The following EXOSC4 variants were observed in gnomAD, a reference collection of about 807,000 sequenced individuals.
The protein encoded by EXOSC4 is exosome component 4.
Under a neutral mutation model 20.0 loss-of-function variants are expected in EXOSC4, and 14 were observed. That is an observed-to-expected ratio of 0.70 (90% CI 0.46 to 1.09). The LOEUF is 1.09. Ranked by LOEUF, EXOSC4 falls within the 50% of genes least tolerant of loss-of-function variation. The pLI is 0.00. For missense variants in EXOSC4, 337 were observed against 334.0 expected, an observed-to-expected ratio of 1.01 and a Z score of -0.07; for synonymous variants, 148 against 146.4, an observed-to-expected ratio of 1.01 and a Z score of -0.08.
chr8:144,064,706 G>A, the EXOSC4 span, among the ~76,000 whole-genome samples: 2 of 152,202 alleles, frequency 1.3e-5, no homozygotes, highest in African/African-American at 2.4e-5. Flanking sequence ...TGGGCCAGGC[G>A]GCCCACCAGA....
upstream of EXOSC4, among the ~76,000 whole-genome samples, chr8:144,077,391 G>A (rs145857013): frequency 3.3e-3 from 498 of 152,344 alleles, 3 homozygotes; most frequent in African/African-American, 0.012. Context: ...GGGGTGGCAA[G>A]TGGCAGAGGG....
chr8:144,067,507 G>C, the EXOSC4 span, among the ~76,000 whole-genome samples: 4 of 152,176 alleles, frequency 2.6e-5, no homozygotes, highest in South Asian at 2.1e-4. Context: ...AAGACAAAGA[G>C]AAAGCTTTGA....
At chr8:144,066,630 G>A in the EXOSC4 span, among the ~76,000 whole-genome samples, 3 of 151,280 alleles carry the variant, frequency 2.0e-5, no homozygotes, top group Non-Finnish European at 4.4e-5. Context: ...TTTTAGTAGA[G>A]ACAGGGTTTC....
chr8:144,065,853 G>A, the EXOSC4 span, among the ~76,000 whole-genome samples: 2 of 149,726 alleles, frequency 1.3e-5, no homozygotes, highest in Non-Finnish European at 3.0e-5. Flanking sequence ...CTGTCACCCA[G>A]GCTGGAGTGC....
chr8:144,064,996 C>T, the EXOSC4 span, among the ~76,000 whole-genome samples: 1 of 152,144 alleles, frequency 6.6e-6, no homozygotes, highest in South Asian at 2.1e-4. Flanking sequence ...TGCCCGCAAC[C>T]ACGCCTGGCT....
Position 144,078,804 on chromosome 8 carries a change from C to A in EXOSC4, c.76C>A (p.Gln26Lys). Residue 26 changes from glutamine to lysine, a missense_variant, in exon 1 of 3, where the codon CAG becomes AAG. Gln to Lys is a moderately conservative substitution (Grantham distance 53). Transcript: ENST00000316052. The surrounding 1 kb of genome is among the most constrained non-coding windows in gnomAD (Gnocchi z 4.7). ...GCGCGCCGGGGAGCTGCGCAAGATC[C>A]AGGCGCGGATGGGCGTGTTCGCGCA... ...GRRAGELRKIQARMGVFAQAD... is the reference protein window; with the variant it reads ...GRRAGELRKIKARMGVFAQAD... 1 of 1,575,244 alleles carries A rather than the reference C, an allele frequency of 6.3e-7. No individual in the cohort carries two copies.
At chr8:144,079,473 A>G (rs2129923236) in intron 1 of EXOSC4, 1 of 333,878 alleles carries the variant, frequency 3.0e-6, no homozygotes, top group Non-Finnish European at 5.8e-6. Context: ...AGGGAACCAG[A>G]AGGGCGAAGA....
upstream of EXOSC4, among the ~76,000 whole-genome samples, chr8:144,076,881 C>T (rs1157420366): frequency 6.6e-6 from 1 of 151,900 alleles, no homozygotes; most frequent in Admixed American, 6.5e-5. Context: ...GCCTGGTCAA[C>T]ATGGTGAAAC....
Position 144,080,559 on chromosome 8 carries a change from C to T in EXOSC4, c.696C>T (p.Val232=). The T allele has an allele frequency of 6.2e-7, 1 of 1,600,294 alleles. No individual in the cohort carries two copies. The change falls in exon 3 of 3, where the codon GTC becomes GTT. Residue 232 remains valine, a synonymous_variant. Transcript: ENST00000316052. This position sits in a 1 kb window ranked among gnomAD's most constrained non-coding sequence, Gnocchi z 4.9. ...RDVHTLLDRV[V]RQHVREASIL... is the part of the protein sequence containing the mutation. The stretch of plus-strand genomic sequence containing the variant: ...TGCACACCCTCTTAGATCGAGTGGT[C>T]CGGCAGCATGTGCGTGAGGCCTCTA...
rs1835862359 is a variant in EXOSC4, at chr8:144,078,700, G to A, written c.-29G>A. On this transcript the variant is annotated 5_prime_UTR_variant, in exon 1 of 3. Coordinates refer to ENST00000316052, the MANE Select transcript of EXOSC4 (RefSeq NM_019037.3). The surrounding 1 kb of genome is among the most constrained non-coding windows in gnomAD (Gnocchi z 4.7). ...GTTCTCCCGCGGCTCAGAGAAGTAG[G>A]CAGAGAGCGGACCTGGCGGCCGGGC... The A allele has an allele frequency of 5.0e-6, 7 of 1,396,988 alleles. No individual in the cohort carries two copies. Among genetic ancestry groups the A allele is most frequent in the Non-Finnish European group, 5.6e-6 (6 of 1,070,568 alleles). The allele number at this position is 1,396,988 out of a possible 1,614,324, so 86.5% of individuals were successfully genotyped here. A position where few individuals can be genotyped will look rare whatever the true frequency, so the allele number is the denominator to read the frequency against.
the EXOSC4 span, among the ~76,000 whole-genome samples, chr8:144,070,731 G>A: frequency 1.3e-5 from 2 of 151,862 alleles, no homozygotes; most frequent in Non-Finnish European, 2.9e-5. Context: ...AGGAGGCTGA[G>A]GCAGGAGAAT....
upstream of EXOSC4, among the ~76,000 whole-genome samples, chr8:144,075,426 C>T (rs1554762619): frequency 6.6e-6 from 1 of 152,140 alleles, no homozygotes; most frequent in Non-Finnish European, 1.5e-5. Context: ...CAGGGTTTCA[C>T]CGTGTTGGCC....
At chr8:144,071,623 A>G in the EXOSC4 span, among the ~76,000 whole-genome samples, 1 of 151,466 alleles carries the variant, frequency 6.6e-6, no homozygotes, top group Admixed American at 6.6e-5. Context: ...TACAAAAATG[A>G]TGAGACATGC....
chr8:144,065,099 C>T, the EXOSC4 span, among the ~76,000 whole-genome samples: 84 of 152,252 alleles, frequency 5.5e-4, 1 homozygote, highest in African/African-American at 1.7e-3. Flanking sequence ...CCCACCTCAG[C>T]CTCCCAAAGT....
At chr8:144,071,729 C>T in the EXOSC4 span, among the ~76,000 whole-genome samples, 1 of 151,928 alleles carries the variant, frequency 6.6e-6, no homozygotes, top group Non-Finnish European at 1.5e-5. Context: ...GTGATCCCAG[C>T]ACTTTAGGAG....
the EXOSC4 span, among the ~76,000 whole-genome samples, chr8:144,071,139 G>A: frequency 8.7e-5 from 13 of 148,812 alleles, no homozygotes; most frequent in East Asian, 2.2e-3. Context: ...TGTGATATAC[G>A]CTCTAAAGTG....
At chr8:144,077,368 G>C (rs1835845588), upstream of EXOSC4, among the ~76,000 whole-genome samples, 1 of 152,250 alleles carries the variant, frequency 6.6e-6, no homozygotes, top group Non-Finnish European at 1.5e-5. Context: ...GTAGAGCAGA[G>C]GGTGGGGAAT....
upstream of EXOSC4, chr8:144,078,638 C>T (rs1835861263): frequency 7.7e-7 from 1 of 1,302,190 alleles, no homozygotes; most frequent in Non-Finnish European, 9.9e-7. This position sits in a 1 kb window ranked among gnomAD's most constrained non-coding sequence, Gnocchi z 4.7. Context: ...CTCCGGAAAC[C>T]GTAGATTCCG....
At chr8:144,066,899 C>T in the EXOSC4 span, among the ~76,000 whole-genome samples, 5 of 151,948 alleles carry the variant, frequency 3.3e-5, no homozygotes, top group Non-Finnish European at 7.4e-5. Flanking sequence ...GCCAGCCGGA[C>T]CAACGTGAAG....
Sources: gnomAD v4.1 joint callset for allele counts (sites outside exome capture counted in the v4.1 genomes callset) on GRCh38, gnomAD v4.1.1 for gene constraint, Gnocchi (gnomAD v3.1) non-coding constraint, MANE v1.5 for transcripts, NCBI Gene and HGNC (gene_info 2026-07-23, HGNC 2026-07-21) for gene names.